CEP170B: variants seen among roughly 807,000 people sequenced by gnomAD.
The protein encoded by CEP170B is centrosomal protein 170B.
Under a neutral mutation model 120.6 loss-of-function variants are expected in CEP170B, and 55 were observed. That is an observed-to-expected ratio of 0.46 (90% CI 0.37 to 0.57). The LOEUF (loss-of-function observed/expected upper bound fraction) is 0.57. CEP170B is among the 20% of genes least tolerant of loss of function. The pLI is 0.00. For synonymous variants in CEP170B, 1,033 were observed against 954.5 expected (o/e 1.08, Z -1.52); for missense variants, 2,212 against 2,253.3 (o/e 0.98, Z 0.37).
At chr14:104,875,037 G>T (rs1013777500) in intron 2 of CEP170B, among the ~76,000 whole-genome samples, 1 of 152,244 alleles carries the variant, frequency 6.6e-6, no homozygotes, top group Non-Finnish European at 1.5e-5. Flanking sequence ...TTGCCCAGGG[G>T]TGCTGGGGAA....
rs1219001026 is a variant in CEP170B, at chr14:104,876,355, A to T, written c.195+10A>T. 1.2e-5 allele frequency: 18 copies of T among 1,550,424 alleles called. No homozygotes were observed. The highest frequency in any genetic ancestry group is 1.5e-5 in the Non-Finnish European group (17 of 1,146,628). Reference sequence around the variant, plus strand: ...GGGCAGCCTCAATGGGGTAAGTGTGAGAGGCCCTGGCCTGGCCTTTTAACA... The same window carrying T: ...GGGCAGCCTCAATGGGGTAAGTGTGTGAGGCCCTGGCCTGGCCTTTTAACA... On this transcript the variant is annotated intron_variant, in intron 3 of 18. Coordinates refer to ENST00000414716, the MANE Select transcript of CEP170B (RefSeq NM_001112726.3).
chr14:104,868,356 C>A lies in CEP170B; in HGVS notation c.-27-68C>A. On this transcript the variant is annotated intron_variant, in intron 1 of 18. Coordinates refer to ENST00000414716, the MANE Select transcript of CEP170B (RefSeq NM_001112726.3). The surrounding 1 kb of genome is among the most constrained non-coding windows in gnomAD (Gnocchi z 5.9). ...TAGAGGGTCAGGATCTGGGCTGGGC[C>A]TTGGATGTGTCCAGGGGGCTAAGAA... 8.7e-7 allele frequency: 1 copy of A among 1,142,912 alleles called. No individual in the cohort carries two copies. The highest frequency in any genetic ancestry group is 1.2e-6 in the Non-Finnish European group (1 of 801,730). 70.8% of individuals were successfully genotyped at this position (1,142,912 alleles called of 1,614,324 possible).
chr14:104,894,636 T>A (rs780181259), intron 18 of CEP170B, 48 bp downstream of exon 18: 6 of 1,595,668 alleles, frequency 3.8e-6, no homozygotes, highest in Non-Finnish European at 5.1e-6. Flanking sequence ...GGCAGGGCCT[T>A]GTGGGGAACC....
chr14:104,883,556 C>G (rs771879204), intron 8 of CEP170B, 48 bp downstream of exon 8: 2 of 1,485,606 alleles, frequency 1.3e-6, no homozygotes, highest in South Asian at 1.3e-5. Context: ...AGGCAGGGGA[C>G]CGGACTTTGG....
chr14:104,876,219 C>T, intron 2 of CEP170B, 37 bp from the exon 3 acceptor site: 1 of 1,547,838 alleles, frequency 6.5e-7, no homozygotes, highest in East Asian at 2.4e-5. Context: ...CACCTCCTCC[C>T]CTGGAGCACC....
At chr14:104,890,600 G>GT (rs1896789001) in intron 13 of CEP170B, among the ~76,000 whole-genome samples, 1 of 146,742 alleles carries the variant, frequency 6.8e-6, no homozygotes, top group Non-Finnish European at 1.5e-5. Flanking sequence ...GTGAGTGAGT[G>GT]GGTGGATGGA....
At position 104,887,612 on chromosome 14, in the gene CEP170B, C is replaced by A; in HGVS notation, c.3373C>A (p.Arg1125=). 1 of 1,578,826 alleles carries A rather than the reference C, an allele frequency of 6.3e-7. No homozygotes were observed. Among genetic ancestry groups the A allele is most frequent in the East Asian group, 2.3e-5 (1 of 43,258 alleles). Residue 1125 remains arginine (R), a synonymous_variant, in exon 12 of 19, where the codon CGG becomes AGG. Coordinates refer to ENST00000414716, the MANE Select transcript of CEP170B (RefSeq NM_001112726.3). ...LSTPRPTRAS[R]LRRARLGDAS... is the part of the protein sequence containing the mutation. Reference sequence around the variant, plus strand: ...CACCCCTCGCCCCACACGGGCCTCCCGGCTGAGGCGGGCCCGGCTGGGGGA... The same window carrying A: ...CACCCCTCGCCCCACACGGGCCTCCAGGCTGAGGCGGGCCCGGCTGGGGGA...
intron 13 of CEP170B, among the ~76,000 whole-genome samples, chr14:104,892,726 G>A (rs1267853058): frequency 6.6e-6 from 1 of 152,218 alleles, no homozygotes; most frequent in Non-Finnish European, 1.5e-5. Flanking sequence ...CTTCTTTTCA[G>A]GCTCCGTCCC....
At position 104,887,223 on chromosome 14, in the gene CEP170B, C is replaced by T. The variant is rs373595600; in HGVS notation, c.2984C>T (p.Pro995Leu). The change falls in exon 12 of 19, where the codon CCG (proline) becomes CTG (leucine). Residue 995 changes from proline (P) to leucine (L), a missense_variant. Physicochemically the swap from Pro to Leu is moderately conservative, Grantham distance 98. Around this residue, in one of 2 missense-constraint regions of CEP170B, gnomAD observed 2,166 missense variants for 2,166.7 expected, o/e 1.00. Transcript: ENST00000414716. Reference protein sequence around the residue: ...MSPSPPAAQDPGGTALVSARE... With the variant: ...MSPSPPAAQDLGGTALVSARE... ...CCATCCCCGCCAGCTGCACAGGACC[C>T]GGGAGGCACCGCCCTGGTCAGTGCC... The T allele has an allele frequency of 3.7e-4, 592 of 1,605,838 alleles. No individual in the cohort carries two copies. The highest frequency in any genetic ancestry group is 1.8e-3 in the Middle Eastern group (11 of 6,060).
chr14:104,869,334 C>T (rs1216100709), intron 2 of CEP170B, among the ~76,000 whole-genome samples: 2 of 152,150 alleles, frequency 1.3e-5, no homozygotes, highest in African/African-American at 2.4e-5. Flanking sequence ...CCAGTCTAGC[C>T]GAGGGGCCTG....
At position 104,872,396 on chromosome 14, in the gene CEP170B, G is replaced by T. The variant is rs1191143559; in HGVS notation, c.105+3841G>T. Among the ~76,000 whole-genome samples, 310 of 78,768 alleles carry T rather than the reference G, an allele frequency of 3.9e-3. 21 individuals are homozygous for T. Among genetic ancestry groups the T allele is most frequent in the African/African-American group, 8.9e-3 (242 of 27,286 alleles). The allele number at this position is 78,768 out of a possible 152,430, so 51.7% of individuals were successfully genotyped here. A position where few individuals can be genotyped will look rare whatever the true frequency, so the allele number is the denominator to read the frequency against. ...GCCATGGGTGTGCATGTGTGCCGTG[G>T]GTGTGCGTGGGTGTGCCGTGGGTGT... On this transcript the variant is annotated intron_variant, in intron 2 of 18. Coordinates refer to ENST00000414716, the MANE Select transcript of CEP170B (RefSeq NM_001112726.3).
intron 14 of CEP170B, 91 bp downstream of exon 14, chr14:104,893,226 G>A: frequency 7.2e-7 from 1 of 1,395,018 alleles, no homozygotes; most frequent in Non-Finnish European, 9.6e-7. Context: ...TGCCTCGGCT[G>A]AGGCCCTGCT....
intron 2 of CEP170B, among the ~76,000 whole-genome samples, chr14:104,875,827 G>T (rs528798255): frequency 5.9e-5 from 9 of 152,294 alleles, no homozygotes; most frequent in African/African-American, 1.9e-4. Context: ...CTTGGAGTGG[G>T]AGCACCAAAG....
Position 104,875,182 on chromosome 14 carries a change from C to T in CEP170B, c.106-1074C>T, listed in dbSNP as rs560111829. 4.6e-5 allele frequency among the ~76,000 whole-genome samples: 7 copies of T among 152,304 alleles called. No homozygotes were observed. The South Asian group carries it at 8.3e-4, about 18-fold the overall frequency. On this transcript the variant is annotated intron_variant, in intron 2 of 18. Transcript: ENST00000414716. Reference sequence around the variant, plus strand: ...GCTCTCACCTGGGAGACTGAGAAGCCGTGCTGGCACTCAGGAGGGACTTCC... The same window carrying T: ...GCTCTCACCTGGGAGACTGAGAAGCTGTGCTGGCACTCAGGAGGGACTTCC...
chr14:104,884,918 G>A (rs1896386755), intron 9 of CEP170B, among the ~76,000 whole-genome samples: 1 of 71,672 alleles, frequency 1.4e-5, no homozygotes, highest in Non-Finnish European at 2.9e-5. Flanking sequence ...GTGATGCCGG[G>A]GGTGGCGAGT....
intron 2 of CEP170B, 107 bp from the exon 3 acceptor site, chr14:104,876,149 C>T: frequency 9.8e-7 from 1 of 1,022,392 alleles, no homozygotes; most frequent in Non-Finnish European, 1.5e-6. Flanking sequence ...GCCTGGGGGC[C>T]ACTGCTGGTG....
chr14:104,894,068 C>T (rs374384166), intron 16 of CEP170B: 1 of 652,728 alleles, frequency 1.5e-6, no homozygotes, highest in Non-Finnish European at 2.7e-6. Context: ...TCCCCTTCTC[C>T]CCTAGCCCTC....
In CEP170B at chr14:104,884,217, T is replaced by C; in HGVS notation, c.1438T>C (p.Ser480Pro). Residue 480 changes from serine (S) to proline (P), a missense_variant, in exon 9 of 19, where the codon TCG (serine) becomes CCG (proline). Coordinates refer to ENST00000414716, the MANE Select transcript of CEP170B (RefSeq NM_001112726.3). ...EKTEERLGSP[S>P]PASRTPARPF... ...GACAGAGGAACGGCTGGGCAGCCCC[T>C]CGCCCGCCTCCCGAACCCCTGCCCG... The C allele has an allele frequency of 1.3e-6, 2 of 1,542,160 alleles. No individual in the cohort carries two copies. Among genetic ancestry groups the C allele is most frequent in the Non-Finnish European group, 1.7e-6 (2 of 1,146,834 alleles).
In CEP170B at chr14:104,885,588, G is replaced by A. The variant is rs1160999486; in HGVS notation, c.1944+46G>A. On this transcript the variant is annotated intron_variant, in intron 10 of 18. Transcript: ENST00000414716. The stretch of plus-strand genomic sequence containing the variant: ...CCCAAGGAGGGGCTGGGCAGGAAGA[G>A]GGCAGCATCCAAGCCGGACCTGGGG... 4.0e-6 allele frequency: 6 copies of A among 1,518,052 alleles called. No homozygotes were observed. In the African/African-American group the frequency reaches 8.4e-5, roughly 21 times the overall value. 94.0% of individuals were successfully genotyped at this position (1,518,052 alleles called of 1,614,324 possible). A position where few individuals can be genotyped will look rare whatever the true frequency, so the allele number is the denominator to read the frequency against.
Sources: gnomAD v4.1 joint callset for allele counts (sites outside exome capture counted in the v4.1 genomes callset) on GRCh38, gnomAD v4.1.1 for gene constraint, gnomAD v4.1.1 regional missense constraint, Gnocchi (gnomAD v3.1) non-coding constraint, MANE v1.5 for transcripts, NCBI Gene and HGNC (gene_info 2026-07-23, HGNC 2026-07-21) for gene names.